Variants in STXBP5 observed in about 807,000 individuals in gnomAD.
STXBP5 encodes syntaxin binding protein 5.
A neutral mutation model predicts 152.4 loss-of-function variants in STXBP5; 50 were observed. That is an observed-to-expected ratio of 0.33 (90% confidence interval 0.26 to 0.42). The LOEUF (loss-of-function observed/expected upper bound fraction) is 0.42. Ranked by LOEUF, STXBP5 falls within the 10% of genes least tolerant of loss-of-function variation. The pLI is 1.00. For missense variants in STXBP5, 1,167 were observed against 1,388.6 expected (o/e 0.84, Z 2.54); for synonymous variants, 492 against 494.7 (o/e 0.99, Z 0.07).
intron 26 of STXBP5, among the ~76,000 whole-genome samples, chr6:147,375,784 T>C (rs1785783026): frequency 6.6e-6 from 1 of 151,766 alleles, no homozygotes; most frequent in African/African-American, 2.4e-5. Flanking sequence ...AAAGAGAAAA[T>C]CTTTAATGTG....
intron 4 of STXBP5, among the ~76,000 whole-genome samples, chr6:147,254,534 AATCT>A (rs1268341638): frequency 1.3e-5 from 2 of 152,228 alleles, no homozygotes; most frequent in Non-Finnish European, 2.9e-5. Flanking sequence ...AAATTTTTGC[AATCT>A]ATCCATCTGG....
chr6:147,330,024 TTTTAAGACAAAACTG>T (rs1783489757), intron 18 of STXBP5, among the ~76,000 whole-genome samples: 1 of 152,184 alleles, frequency 6.6e-6, no homozygotes, highest in Admixed American at 6.5e-5. Context: ...TTCACATGAA[TTTTAAGACAAAACTG>T]TTTAGGCTAA....
chr6:147,347,214 C>T (rs901757431), intron 21 of STXBP5, among the ~76,000 whole-genome samples: 1 of 151,782 alleles, frequency 6.6e-6, no homozygotes, highest in Non-Finnish European at 1.5e-5. Flanking sequence ...AAATTAAACG[C>T]CAAGTTAATA....
intron 11 of STXBP5, among the ~76,000 whole-genome samples, chr6:147,312,990 G>C (rs1782460837): frequency 6.6e-6 from 1 of 152,134 alleles, no homozygotes; most frequent in South Asian, 2.1e-4. Context: ...GGTAATAATA[G>C]AATCACTGAG....
chr6:147,274,249 C>T (rs1780329991), intron 7 of STXBP5, among the ~76,000 whole-genome samples: 1 of 151,794 alleles, frequency 6.6e-6, no homozygotes, highest in African/African-American at 2.4e-5. Flanking sequence ...TTGGATTATG[C>T]ATTCATTCAT....
At chr6:147,216,822 T>C (rs117155560) in intron 2 of STXBP5, among the ~76,000 whole-genome samples, 4,661 of 152,330 alleles carry the variant, frequency 0.031, 114 homozygotes, top group Non-Finnish European at 0.051. Flanking sequence ...ATTTTTGTTT[T>C]ATATTAATCT....
chr6:147,312,190 T>A (rs1286447071), intron 11 of STXBP5, among the ~76,000 whole-genome samples: 3 of 152,192 alleles, frequency 2.0e-5, no homozygotes, highest in African/African-American at 7.2e-5. Context: ...AAAGTCAACC[T>A]TCTTATCTTT....
intron 3 of STXBP5, among the ~76,000 whole-genome samples, chr6:147,238,310 C>T (rs548089790): frequency 1.3e-5 from 2 of 152,250 alleles, no homozygotes; most frequent in African/African-American, 4.8e-5. Flanking sequence ...GTCAGCCTCA[C>T]TTTATAACAA....
At chr6:147,307,132 T>G (rs894558325) in intron 9 of STXBP5, among the ~76,000 whole-genome samples, 1 of 152,168 alleles carries the variant, frequency 6.6e-6, no homozygotes, top group Admixed American at 6.6e-5. Context: ...AAGGCAGGCC[T>G]GGGAAGGTAA....
chr6:147,349,572 C>G (rs1023597847), intron 21 of STXBP5, among the ~76,000 whole-genome samples: 1 of 152,172 alleles, frequency 6.6e-6, no homozygotes, highest in African/African-American at 2.4e-5. Flanking sequence ...AAGTCTCTCG[C>G]TGGTTTTGTC....
chr6:147,262,150 CTAT>C, intron 5 of STXBP5, 137 bp from the exon 6 acceptor site: 1 of 586,164 alleles, frequency 1.7e-6, no homozygotes. Context: ...AACTATATGC[CTAT>C]TATTTATCTC....
chr6:147,384,820 CT>C lies in STXBP5; in HGVS notation c.*68del. 1 of 1,504,006 alleles carries C rather than the reference CT, an allele frequency of 6.6e-7. No homozygotes were observed. Among genetic ancestry groups the C allele is most frequent in the Non-Finnish European group, 9.2e-7 (1 of 1,090,810 alleles). The allele number at this position is 1,504,006 out of a possible 1,614,324, so 93.2% of individuals were successfully genotyped here. A position where few individuals can be genotyped will look rare whatever the true frequency, so the allele number is the denominator to read the frequency against. On this transcript the variant is annotated 3_prime_UTR_variant, in exon 28 of 28. Transcript: ENST00000321680. The stretch of plus-strand genomic sequence containing the variant: ...AAAAGTTTTCCATTTTTATTACATT[CT>C]TTAGGAAAGTTAACGTTAAAGGGAT...
intron 9 of STXBP5, among the ~76,000 whole-genome samples, chr6:147,308,135 C>G (rs936793089): frequency 2.6e-5 from 4 of 152,202 alleles, no homozygotes; most frequent in African/African-American, 4.8e-5. Context: ...CCACTGGTCC[C>G]TTCATCCCTG....
chr6:147,310,014 A>G, intron 9 of STXBP5, 70 bp from the exon 10 acceptor site: 1 of 1,107,004 alleles, frequency 9.0e-7, no homozygotes, highest in Non-Finnish European at 1.2e-6. Context: ...CTAAATTAAA[A>G]AATTATGATG....
At chr6:147,367,364 C>T (rs935005583) in intron 25 of STXBP5, among the ~76,000 whole-genome samples, 11 of 152,118 alleles carry the variant, frequency 7.2e-5, no homozygotes, top group Admixed American at 4.6e-4. Flanking sequence ...AAAGGCCAGG[C>T]GTGGTGGCTC....
At chr6:147,212,318 A>C (rs1776898233) in intron 2 of STXBP5, among the ~76,000 whole-genome samples, 1 of 152,064 alleles carries the variant, frequency 6.6e-6, no homozygotes. Context: ...TCTCTGTTGG[A>C]TATTCTTTGT....
At chr6:147,241,065 A>G (rs912834653) in intron 4 of STXBP5, among the ~76,000 whole-genome samples, 3 of 152,190 alleles carry the variant, frequency 2.0e-5, no homozygotes, top group Admixed American at 2.0e-4. Context: ...AGGGAACCAT[A>G]TCACATTTCT....
At position 147,311,392 on chromosome 6, in the gene STXBP5, TTTATC is replaced by T. The variant is rs1782367459; in HGVS notation, c.1073-61_1073-57del. 10 of 1,324,092 alleles carry T rather than the reference TTTATC, an allele frequency of 7.6e-6. No individual in the cohort carries two copies. The South Asian group carries it at 1.1e-4, about 14-fold the overall frequency. 82.0% of individuals were successfully genotyped at this position (1,324,092 alleles called of 1,614,324 possible). A position where few individuals can be genotyped will look rare whatever the true frequency, so the allele number is the denominator to read the frequency against. Reference sequence around the variant, plus strand: ...ACTAAATAAAATCAAGCAAGAAACATTTATCTAATTTGCTGTCCACTTGCATTTTT... The same window carrying T: ...ACTAAATAAAATCAAGCAAGAAACATTAATTTGCTGTCCACTTGCATTTTT... On this transcript the variant is annotated intron_variant, in intron 10 of 27. Coordinates refer to ENST00000321680, the MANE Select transcript of STXBP5 (RefSeq NM_001127715.4).
chr6:147,257,143 G>A (rs1246963747), intron 4 of STXBP5, among the ~76,000 whole-genome samples: 2 of 151,392 alleles, frequency 1.3e-5, no homozygotes, highest in African/African-American at 4.9e-5. Context: ...TAAGTCAAGT[G>A]CAGTATAGGG....
Sources: gnomAD v4.1 joint callset for allele counts (sites outside exome capture counted in the v4.1 genomes callset) on GRCh38, gnomAD v4.1.1 for gene constraint, MANE v1.5 for transcripts, NCBI Gene and HGNC (gene_info 2026-07-23, HGNC 2026-07-21) for gene names.